The following CHCHD6 variants were observed in gnomAD, a reference collection of about 807,000 sequenced individuals.
The protein encoded by CHCHD6 is MICOS complex subunit MIC25.
Under a neutral mutation model 32.3 loss-of-function variants are expected in CHCHD6, and 28 were observed. The observed-to-expected ratio is 0.87, with a 90% CI of 0.64 to 1.19. The LOEUF (loss-of-function observed/expected upper bound fraction) is 1.19, where lower values mean the gene tolerates loss of function less well. CHCHD6 is among the 50% of genes most tolerant of loss of function. The pLI is 0.00. For synonymous variants in CHCHD6, 122 were observed against 117.5 expected (o/e 1.04, Z -0.25); for missense variants, 333 against 307.0 (o/e 1.08, Z -0.63).
intron 4 of CHCHD6, among the ~76,000 whole-genome samples, chr3:126,790,108 T>G (rs913487873): frequency 5.9e-5 from 9 of 152,114 alleles, no homozygotes; most frequent in Non-Finnish European, 1.0e-4. Flanking sequence ...GATATGAAAT[T>G]CTGGGTTGAA....
At chr3:126,842,925 A>G (rs978300396) in intron 4 of CHCHD6, among the ~76,000 whole-genome samples, 12 of 151,794 alleles carry the variant, frequency 7.9e-5, no homozygotes, top group African/African-American at 2.7e-4. Flanking sequence ...TGATTCTAGA[A>G]ATATGTCTGT....
rs1395189205 is a variant in CHCHD6 at position 126,730,574 on chromosome 3, C to T, written c.210C>T (p.Pro70=). ...LRAPHKESTL[P]RSGSSGGQQP... ...TTTCCTTTGCAGAATCCACACTGCC[C>T]AGGTCGGGGAGCAGTGGTGGCCAGC... Residue 70 remains proline, a synonymous_variant, in exon 3 of 8, where the codon CCC becomes CCT. Coordinates refer to ENST00000290913, the MANE Select transcript of CHCHD6 (RefSeq NM_032343.3). 4.3e-6 allele frequency: 7 copies of T among 1,613,624 alleles called. No individual in the cohort carries two copies. Among genetic ancestry groups the T allele is most frequent in the Non-Finnish European group, 5.9e-6 (7 of 1,179,836 alleles).
chr3:126,761,821 T>C (rs1377446446), intron 4 of CHCHD6, among the ~76,000 whole-genome samples: 1 of 152,254 alleles, frequency 6.6e-6, no homozygotes, highest in Non-Finnish European at 1.5e-5. Flanking sequence ...TTACTGACTT[T>C]GATTACTCTT....
intron 4 of CHCHD6, among the ~76,000 whole-genome samples, chr3:126,733,983 C>G (rs1183329553): frequency 6.6e-6 from 1 of 152,126 alleles, no homozygotes; most frequent in African/African-American, 2.4e-5. Flanking sequence ...GGCAGGCTGT[C>G]CCCATGGTTA....
intron 1 of CHCHD6, among the ~76,000 whole-genome samples, chr3:126,721,827 G>T (rs1012215481): frequency 6.6e-6 from 1 of 150,996 alleles, no homozygotes; most frequent in Non-Finnish European, 1.5e-5. Context: ...AGATTTGCCT[G>T]TTGTGGAATA....
At chr3:126,863,209 TCTA>T (rs1942024560) in intron 5 of CHCHD6, among the ~76,000 whole-genome samples, 1 of 123,358 alleles carries the variant, frequency 8.1e-6, no homozygotes, top group Non-Finnish European at 1.7e-5. Context: ...CACCTTCCCC[TCTA>T]CCACCATCAC....
At chr3:126,742,978 G>A (rs1936343065) in intron 4 of CHCHD6, among the ~76,000 whole-genome samples, 1 of 152,146 alleles carries the variant, frequency 6.6e-6, no homozygotes, top group African/African-American at 2.4e-5. Flanking sequence ...AGAAGGACTA[G>A]GGGGAAGATG....
chr3:126,743,259 G>A (rs1204485218), intron 4 of CHCHD6, among the ~76,000 whole-genome samples: 1 of 152,186 alleles, frequency 6.6e-6, no homozygotes, highest in African/African-American at 2.4e-5. Context: ...ATGTGCATGT[G>A]TATTCTTTGT....
At chr3:126,927,163 A>G (rs1190607234) in intron 6 of CHCHD6, among the ~76,000 whole-genome samples, 1 of 152,036 alleles carries the variant, frequency 6.6e-6, no homozygotes, top group Non-Finnish European at 1.5e-5. Flanking sequence ...CCAAAAGGAG[A>G]GCTGGGCCCT....
chr3:126,928,694 A>G (rs1261497075), intron 6 of CHCHD6, among the ~76,000 whole-genome samples: 11 of 152,164 alleles, frequency 7.2e-5, no homozygotes, highest in South Asian at 2.1e-4. Flanking sequence ...GAGGCTCTCT[A>G]TCTCCACTGA....
chr3:126,757,917 A>G (rs2107670980), intron 4 of CHCHD6, among the ~76,000 whole-genome samples: 1 of 152,296 alleles, frequency 6.6e-6, no homozygotes, highest in East Asian at 1.9e-4. Context: ...GTATGGTATA[A>G]ACAAAACAAA....
intron 4 of CHCHD6, among the ~76,000 whole-genome samples, chr3:126,801,238 G>T (rs758313660): frequency 2.6e-5 from 4 of 152,342 alleles, no homozygotes; most frequent in Non-Finnish European, 4.4e-5. Flanking sequence ...CGCACCGTGC[G>T]CAAGCCGAAG....
chr3:126,819,953 T>C (rs974345848), intron 4 of CHCHD6, among the ~76,000 whole-genome samples: 1 of 152,222 alleles, frequency 6.6e-6, no homozygotes, highest in Non-Finnish European at 1.5e-5. Context: ...GGGCTTTGTT[T>C]CATCATAGGA....
intron 4 of CHCHD6, among the ~76,000 whole-genome samples, chr3:126,797,299 T>C (rs1576427460): frequency 6.6e-6 from 1 of 152,172 alleles, no homozygotes; most frequent in East Asian, 1.9e-4. Flanking sequence ...GTGAGGATTG[T>C]TGAAAGACCA....
chr3:126,953,425 G>A (rs1383825481), intron 6 of CHCHD6, among the ~76,000 whole-genome samples: 1 of 152,150 alleles, frequency 6.6e-6, no homozygotes, highest in African/African-American at 2.4e-5. Context: ...CAAGCCCTAC[G>A]TTGGCAGTTC....
At chr3:126,820,839 A>G (rs1438991618) in intron 4 of CHCHD6, among the ~76,000 whole-genome samples, 1 of 152,120 alleles carries the variant, frequency 6.6e-6, no homozygotes, top group African/African-American at 2.4e-5. Context: ...CTTAATGTTC[A>G]CTATTCTAGT....
At chr3:126,743,928 G>T (rs112408220) in intron 4 of CHCHD6, among the ~76,000 whole-genome samples, 51 of 152,286 alleles carry the variant, frequency 3.3e-4, no homozygotes, top group African/African-American at 1.2e-3. Context: ...CTCCTGGCTC[G>T]CATCAGATGG....
chr3:126,849,724 T>C (rs1485198980), intron 4 of CHCHD6, among the ~76,000 whole-genome samples: 2 of 152,222 alleles, frequency 1.3e-5, no homozygotes, highest in African/African-American at 4.8e-5. Context: ...TCTGTAATTA[T>C]TTATCTGCAC....
intron 1 of CHCHD6, among the ~76,000 whole-genome samples, chr3:126,712,478 G>A (rs1177854510): frequency 2.6e-5 from 4 of 152,152 alleles, no homozygotes; most frequent in Admixed American, 6.5e-5. Context: ...TAAATGTAAG[G>A]TTGTTAATTG....
Sources: gnomAD v4.1 joint callset for allele counts (sites outside exome capture counted in the v4.1 genomes callset) on GRCh38, gnomAD v4.1.1 for gene constraint, MANE v1.5 for transcripts, NCBI Gene and HGNC (gene_info 2026-07-23, HGNC 2026-07-21) for gene names.